GALNT13: variants seen among roughly 807,000 people sequenced by gnomAD.
The protein encoded by GALNT13 is UDP-GalNAc:polypeptide N-acetylgalactosaminyltransferase 13.
GALNT13 carries 28 observed loss-of-function variants against 64.2 expected under a neutral mutation model. The ratio of observed to expected loss-of-function variants is 0.44; its 90% CI spans 0.32 to 0.60. The LOEUF is 0.60. Ranked by LOEUF, GALNT13 falls within the 20% of genes least tolerant of loss-of-function variation. The probability of loss-of-function intolerance (pLI) is 0.05; values close to 1 mark genes in which losing one functional copy is unlikely to be tolerated. For missense variants in GALNT13, 577 were observed against 669.8 expected, an observed-to-expected ratio of 0.86 and a Z score of 1.53; for synonymous variants, 214 against 224.6, an observed-to-expected ratio of 0.95 and a Z score of 0.42.
At chr2:153,386,144 A>T in the GALNT13 span, among the ~76,000 whole-genome samples, 42 of 152,078 alleles carry the variant, frequency 2.8e-4, no homozygotes, top group Non-Finnish European at 5.9e-4. Context: ...AGGAGATTTG[A>T]ATAACTACTG....
the GALNT13 span, among the ~76,000 whole-genome samples, chr2:153,541,165 C>G: frequency 6.6e-6 from 1 of 151,974 alleles, no homozygotes; most frequent in Admixed American, 6.6e-5. Flanking sequence ...GTTCCCCCAC[C>G]CTGTTATCAT....
intron 3 of GALNT13, among the ~76,000 whole-genome samples, chr2:154,012,865 A>G (rs1696741321): frequency 6.6e-6 from 1 of 151,910 alleles, no homozygotes; most frequent in Admixed American, 6.6e-5. Context: ...ATACTTTGTG[A>G]TTATATTATG....
downstream of GALNT13, chr2:154,454,398 C>A (rs531447684): frequency 6.6e-6 from 1 of 152,120 alleles, no homozygotes; most frequent in Admixed American, 6.6e-5. Context: ...CATGGTGGCT[C>A]ACGCCTGTAA....
the GALNT13 span, among the ~76,000 whole-genome samples, chr2:153,820,730 A>G: frequency 6.6e-6 from 1 of 152,066 alleles, no homozygotes; most frequent in African/African-American, 2.4e-5. Context: ...AAACATAAAA[A>G]CAAAATAATA....
At chr2:153,638,181 G>A in the GALNT13 span, among the ~76,000 whole-genome samples, 1 of 152,142 alleles carries the variant, frequency 6.6e-6, no homozygotes, top group African/African-American at 2.4e-5. Flanking sequence ...GAGGAGATCA[G>A]AGATGTAGTG....
chr2:153,670,269 G>T, the GALNT13 span, among the ~76,000 whole-genome samples: 1 of 152,132 alleles, frequency 6.6e-6, no homozygotes, highest in South Asian at 2.1e-4. Flanking sequence ...TGTGTAGCCT[G>T]GCTGGGAGAC....
chr2:153,162,180 A>G, the GALNT13 span, among the ~76,000 whole-genome samples: 33 of 152,178 alleles, frequency 2.2e-4, no homozygotes, highest in Admixed American at 2.2e-3. Context: ...GCTGACAGGT[A>G]TCAGTCACTT....
intron 9 of GALNT13, among the ~76,000 whole-genome samples, chr2:154,310,640 CA>C (rs1054130158): frequency 2.0e-5 from 3 of 151,974 alleles, no homozygotes; most frequent in African/African-American, 4.8e-5. Flanking sequence ...TCCCTTACTA[CA>C]AAAAAGTTAC....
At chr2:154,431,753 A>C (rs536695735) in intron 11 of GALNT13, among the ~76,000 whole-genome samples, 93 of 152,286 alleles carry the variant, frequency 6.1e-4, no homozygotes, top group South Asian at 3.1e-3. Context: ...TCATGGGGGC[A>C]GGTTTTTCCC....
chr2:153,139,935 T>C, the GALNT13 span, among the ~76,000 whole-genome samples: 23,783 of 152,024 alleles, frequency 0.16, 2,090 homozygotes, highest in Middle Eastern at 0.23. Context: ...CTCTCATAAA[T>C]AGGAGTGACC....
intron 9 of GALNT13, among the ~76,000 whole-genome samples, chr2:154,303,360 C>T (rs565699805): frequency 6.6e-6 from 1 of 152,082 alleles, no homozygotes; most frequent in African/African-American, 2.4e-5. Context: ...GGCCACCCCA[C>T]CCTAATCTTA....
the GALNT13 span, among the ~76,000 whole-genome samples, chr2:153,266,990 G>T: frequency 2.0e-5 from 3 of 152,228 alleles, no homozygotes; most frequent in Non-Finnish European, 4.4e-5. Context: ...TACAATGGGA[G>T]TGTGGGCATT....
intron 11 of GALNT13, among the ~76,000 whole-genome samples, chr2:154,416,440 G>A (rs1700011029): frequency 6.6e-6 from 1 of 151,594 alleles, no homozygotes; most frequent in Admixed American, 6.7e-5. Flanking sequence ...TAAGGGCCCA[G>A]ACTTCTAATG....
At chr2:154,248,031 G>C (rs1297632622) in intron 7 of GALNT13, among the ~76,000 whole-genome samples, 1 of 152,070 alleles carries the variant, frequency 6.6e-6, no homozygotes, top group Non-Finnish European at 1.5e-5. Context: ...AGATGTTGAA[G>C]ACAATTTTTT....
the GALNT13 span, among the ~76,000 whole-genome samples, chr2:153,678,078 CAAAA>C: frequency 1.1e-5 from 1 of 89,158 alleles, no homozygotes. Context: ...AACAAAAAAA[CAAAA>C]GAAACTCTCA....
the GALNT13 span, among the ~76,000 whole-genome samples, chr2:153,707,198 G>T: frequency 6.6e-6 from 1 of 152,086 alleles, no homozygotes; most frequent in Non-Finnish European, 1.5e-5. Flanking sequence ...CCAGTCTCGG[G>T]TATGTTTTTA....
chr2:153,737,025 T>C, the GALNT13 span, among the ~76,000 whole-genome samples: 1 of 152,238 alleles, frequency 6.6e-6, no homozygotes, highest in African/African-American at 2.4e-5. Context: ...GGATCCAATA[T>C]TCTATGTTGT....
At chr2:153,578,959 G>A in the GALNT13 span, among the ~76,000 whole-genome samples, 1 of 152,124 alleles carries the variant, frequency 6.6e-6, no homozygotes, top group Non-Finnish European at 1.5e-5. Flanking sequence ...TGAACACAAG[G>A]CTTCTTGGTT....
the GALNT13 span, among the ~76,000 whole-genome samples, chr2:153,279,477 T>C: frequency 6.6e-6 from 1 of 152,186 alleles, no homozygotes; most frequent in Non-Finnish European, 1.5e-5. Flanking sequence ...GCCTGTTTAG[T>C]ATGAGGTTGC....
Sources: allele counts gnomAD v4.1 joint callset (sites outside exome capture counted in the v4.1 genomes callset), GRCh38; gene constraint gnomAD v4.1.1; transcripts MANE v1.5; gene names NCBI Gene and HGNC (gene_info 2026-07-23, HGNC 2026-07-21).